Variants in ACSS3 observed in about 807,000 individuals in gnomAD.
ACSS3 encodes acyl-CoA synthetase short chain family member 3, also known as acyl-CoA synthetase short-chain family member 3, mitochondrial.
A neutral mutation model predicts 84.2 loss-of-function variants in ACSS3; 64 were observed. The ratio of observed to expected loss-of-function variants is 0.76; its 90% confidence interval spans 0.62 to 0.94. The LOEUF (loss-of-function observed/expected upper bound fraction) is 0.94. Among genes scored for constraint, ACSS3 ranks in the 40% least tolerant of loss-of-function variants. The probability of loss-of-function intolerance (pLI) is 0.00; values close to 1 mark genes in which losing one functional copy is unlikely to be tolerated. For missense variants in ACSS3, 815 were observed against 867.6 expected (o/e 0.94, Z 0.76); for synonymous variants, 317 against 310.1 (o/e 1.02, Z -0.23).
At chr12:81,143,903 C>T (rs1886205646) in intron 5 of ACSS3, among the ~76,000 whole-genome samples, 1 of 152,158 alleles carries the variant, frequency 6.6e-6, no homozygotes, top group Non-Finnish European at 1.5e-5. Flanking sequence ...CCACTTTTGC[C>T]TGGTATCTCC....
intron 13 of ACSS3, among the ~76,000 whole-genome samples, chr12:81,236,342 T>C (rs1348778661): frequency 6.6e-6 from 1 of 151,514 alleles, no homozygotes. Context: ...TTTTTATACA[T>C]TGATTCGTAT....
At chr12:81,208,923 C>G (rs566850491) in intron 9 of ACSS3, among the ~76,000 whole-genome samples, 1 of 152,178 alleles carries the variant, frequency 6.6e-6, no homozygotes, top group East Asian at 1.9e-4. Context: ...GAAGAAATAC[C>G]TTTTAGTGAA....
At chr12:81,252,709 G>A (rs2034191783) in intron 13 of ACSS3, among the ~76,000 whole-genome samples, 1 of 152,022 alleles carries the variant, frequency 6.6e-6, no homozygotes, top group Admixed American at 6.6e-5. Context: ...CTTAAAGCAA[G>A]CAGTATGAAT....
At chr12:81,096,629 AC>A (rs1373182048) in intron 1 of ACSS3, among the ~76,000 whole-genome samples, 2 of 97,834 alleles carry the variant, frequency 2.0e-5, no homozygotes, top group Non-Finnish European at 4.1e-5. Flanking sequence ...CTTGCCCCCC[AC>A]CCCCTGACAG....
intron 1 of ACSS3, among the ~76,000 whole-genome samples, chr12:81,083,434 T>G (rs1387565083): frequency 6.6e-6 from 1 of 150,490 alleles, no homozygotes; most frequent in Non-Finnish European, 1.5e-5. Flanking sequence ...CTCTGCTCAC[T>G]GCAACCTCCA....
rs74941110 is a variant in ACSS3, at chr12:81,144,142, T to C, written c.921+895T>C. 2.2e-3 allele frequency among the ~76,000 whole-genome samples: 337 copies of C among 152,346 alleles called. 1 individual carries two copies. Among genetic ancestry groups the C allele is most frequent in the South Asian group, 4.6e-3 (22 of 4,830 alleles). On this transcript the variant is annotated intron_variant, in intron 5 of 15. Transcript: ENST00000548058. ...CTTAATCTTCTTAGAATAGTGGTTC[T>C]ATTTGATTAGTTAGCTTTTTAAAAG...
At chr12:81,174,618 C>T in intron 7 of ACSS3, 170 bp from the exon 8 acceptor site, 1 of 617,292 alleles carries the variant, frequency 1.6e-6, no homozygotes. Context: ...TCTGTTATGC[C>T]TGGGTATTTG....
At chr12:81,220,847 A>G (rs1250648230) in intron 11 of ACSS3, among the ~76,000 whole-genome samples, 3 of 152,030 alleles carry the variant, frequency 2.0e-5, no homozygotes, top group Non-Finnish European at 4.4e-5. Context: ...TCCCCAGTAT[A>G]GGCTTCTTAG....
At chr12:81,080,261 G>A (rs944102667) in intron 1 of ACSS3, among the ~76,000 whole-genome samples, 8 of 151,974 alleles carry the variant, frequency 5.3e-5, no homozygotes, top group Non-Finnish European at 1.0e-4. Flanking sequence ...GAGAGCTTTG[G>A]AAGTGAGTGT....
chr12:81,157,955 C>CACACAT (rs1206940305), intron 7 of ACSS3, among the ~76,000 whole-genome samples: 8 of 151,864 alleles, frequency 5.3e-5, no homozygotes, highest in African/African-American at 1.9e-4. Context: ...CACACACACA[C>CACACAT]ACACACACAC....
At chr12:81,095,090 T>G (rs1179987652) in intron 1 of ACSS3, among the ~76,000 whole-genome samples, 1 of 152,206 alleles carries the variant, frequency 6.6e-6, no homozygotes, top group Non-Finnish European at 1.5e-5. Flanking sequence ...CCCTCCTGGT[T>G]CTCTGGATAA....
rs749372620 is a variant in ACSS3 at position 81,231,183 on chromosome 12, A to G, written c.1596+45A>G. The G allele has an allele frequency of 1.6e-5, 24 of 1,462,958 alleles. No homozygotes were observed. The East Asian group carries it at 4.2e-4, about 25-fold the overall frequency. The allele number at this position is 1,462,958 out of a possible 1,614,324, so 90.6% of individuals were successfully genotyped here. A position where few individuals can be genotyped will look rare whatever the true frequency, so the allele number is the denominator to read the frequency against. On this transcript the variant is annotated intron_variant, in intron 12 of 15. Transcript: ENST00000548058. ...TTTTTATCTTCTTATGTACTTTTCT[A>G]TAATTCTTGCCTATTAAATTGAGAA...
chr12:81,174,685 A>C (rs568521033), intron 7 of ACSS3, 103 bp from the exon 8 acceptor site: 1 of 1,201,156 alleles, frequency 8.3e-7, no homozygotes, highest in South Asian at 1.9e-5. Flanking sequence ...TTTGTTGAAA[A>C]CCCCTTATTA....
chr12:81,181,286 C>A (rs1278713751), intron 8 of ACSS3, among the ~76,000 whole-genome samples: 1 of 152,140 alleles, frequency 6.6e-6, no homozygotes, highest in Non-Finnish European at 1.5e-5. Context: ...TAACACTGAT[C>A]TCACCTGGAG....
chr12:81,137,260 A>G (rs1885852425), intron 3 of ACSS3, among the ~76,000 whole-genome samples: 1 of 151,850 alleles, frequency 6.6e-6, no homozygotes, highest in Admixed American at 6.6e-5. Context: ...GGAAATTACA[A>G]TATGTAAAAC....
At position 81,144,560 on chromosome 12, in the gene ACSS3, G is replaced by A. The variant is rs567494180; in HGVS notation, c.921+1313G>A. On this transcript the variant is annotated intron_variant, in intron 5 of 15. Coordinates refer to ENST00000548058, the MANE Select transcript of ACSS3 (RefSeq NM_024560.4). ...GAACATTTGGCTATAAAATAAGAGG[G>A]GACTCAGCAAAGTTATGATCTAATA... Among the ~76,000 whole-genome samples, 196 of 151,190 alleles carry A rather than the reference G, an allele frequency of 1.3e-3. 1 individual carries two copies. The highest frequency in any genetic ancestry group is 2.5e-3 in the Non-Finnish European group (171 of 67,818).
chr12:81,154,882 C>T lies in ACSS3; in HGVS notation c.1098+2786C>T, dbSNP rs184289421. 3.2e-3 allele frequency among the ~76,000 whole-genome samples: 483 copies of T among 152,250 alleles called. 1 individual carries two copies. Among genetic ancestry groups the T allele is most frequent in the Admixed American group, 5.7e-3 (87 of 15,288 alleles). ...ATGTTGTTTCTTTTTTCTGGTGTGA[C>T]TTTCCTCCTGTCTTTCCTTTCTTGG... is the stretch of plus-strand genomic sequence containing the variant. On this transcript the variant is annotated intron_variant, in intron 7 of 15. Coordinates refer to ENST00000548058, the MANE Select transcript of ACSS3 (RefSeq NM_024560.4).
chr12:81,223,617 AG>A (rs1024557985), intron 11 of ACSS3, among the ~76,000 whole-genome samples: 2 of 152,046 alleles, frequency 1.3e-5, no homozygotes, highest in African/African-American at 4.8e-5. Context: ...CAACATTAGT[AG>A]TTGCACAGCT....
At chr12:81,226,071 C>T (rs1410842103) in intron 11 of ACSS3, among the ~76,000 whole-genome samples, 1 of 151,884 alleles carries the variant, frequency 6.6e-6, no homozygotes, top group Non-Finnish European at 1.5e-5. Context: ...TCTCTACTTA[C>T]TTCCTGTTTA....
Sources: gnomAD v4.1 joint callset for allele counts (sites outside exome capture counted in the v4.1 genomes callset) on GRCh38, gnomAD v4.1.1 for gene constraint, MANE v1.5 for transcripts, NCBI Gene and HGNC (gene_info 2026-07-23, HGNC 2026-07-21) for gene names.